The following HRH1 variants were observed in gnomAD, a reference collection of about 807,000 sequenced individuals.
HRH1 encodes the protein histamine receptor H1, also known as histamine H1 receptor.
Under a neutral mutation model 10.3 loss-of-function variants are expected in HRH1, and 6 were observed. That is an observed-to-expected ratio of 0.58 (90% confidence interval 0.32 to 1.15). The LOEUF is 1.15. Among genes scored for constraint, HRH1 ranks in the 50% most tolerant of loss-of-function variants. The pLI is 0.05. For missense variants in HRH1, 514 were observed against 615.3 expected (o/e 0.84, Z 1.74); for synonymous variants, 242 against 236.7 (o/e 1.02, Z -0.21).
rs558482916 is a variant in HRH1 at position 11,234,142 on chromosome 3, T to C, written c.-35-24861T>C. 6.0e-5 allele frequency: 40 copies of C among 669,870 alleles called. No individual in the cohort carries two copies. In the African/African-American group the frequency reaches 6.4e-4, roughly 11 times the overall value. 41.5% of individuals were successfully genotyped at this position (669,870 alleles called of 1,614,324 possible). On this transcript the variant is annotated intron_variant, in intron 1 of 1. Coordinates refer to ENST00000431010, the MANE Select transcript of HRH1 (RefSeq NM_001098212.2). ...CATCAAAATAAGTTATTTTGTATAT[T>C]ACAGTGCACAGGACAACAGAGGGAA... is the stretch of plus-strand genomic sequence containing the variant.
At chr3:11,254,750 C>G (rs1001800707) in intron 1 of HRH1, among the ~76,000 whole-genome samples, 2 of 152,136 alleles carry the variant, frequency 1.3e-5, no homozygotes. Context: ...CCTGGTGCCA[C>G]AAAGAAAAAC....
chr3:11,153,335 C>G (rs12107516), upstream of HRH1, among the ~76,000 whole-genome samples: 1,416 of 152,262 alleles, frequency 9.3e-3, 12 homozygotes, highest in African/African-American at 0.031. Context: ...CTTTATGAAC[C>G]CTTGTGTTAC....
intron 1 of HRH1, among the ~76,000 whole-genome samples, chr3:11,212,371 G>A (rs1001361515): frequency 6.6e-6 from 1 of 152,158 alleles, no homozygotes; most frequent in Non-Finnish European, 1.5e-5. Flanking sequence ...TCTCTCTGGT[G>A]AGTCATTGCA....
intron 1 of HRH1, among the ~76,000 whole-genome samples, chr3:11,174,821 G>C (rs542612679): frequency 6.6e-6 from 1 of 152,312 alleles, no homozygotes; most frequent in East Asian, 1.9e-4. Context: ...AGGCATGCCA[G>C]GGCCCCAGCA....
At chr3:11,228,293 A>T (rs1292879555) in intron 1 of HRH1, among the ~76,000 whole-genome samples, 1 of 151,642 alleles carries the variant, frequency 6.6e-6, no homozygotes, top group African/African-American at 2.4e-5. Flanking sequence ...CCAAGGCAGA[A>T]TTGCTTGAGG....
At chr3:11,240,147 G>C (rs1350023153) in intron 1 of HRH1, among the ~76,000 whole-genome samples, 7 of 152,000 alleles carry the variant, frequency 4.6e-5, no homozygotes, top group Non-Finnish European at 1.0e-4. Context: ...GAGGAGGCTT[G>C]ACTTGAGCTG....
intron 1 of HRH1, among the ~76,000 whole-genome samples, chr3:11,254,983 A>T (rs370439778): frequency 6.6e-6 from 1 of 152,214 alleles, no homozygotes; most frequent in Non-Finnish European, 1.5e-5. Flanking sequence ...AATAGGGTCT[A>T]TTAGGTGGGA....
chr3:11,156,741 A>G (rs1281763134), intron 1 of HRH1, among the ~76,000 whole-genome samples: 3 of 152,228 alleles, frequency 2.0e-5, no homozygotes, highest in Non-Finnish European at 4.4e-5. Flanking sequence ...CAGTGGTGCC[A>G]TGTAATAGCT....
chr3:11,210,323 G>A (rs977340451), intron 1 of HRH1, among the ~76,000 whole-genome samples: 1 of 152,200 alleles, frequency 6.6e-6, no homozygotes, highest in Non-Finnish European at 1.5e-5. Flanking sequence ...GAGCCCGGGA[G>A]GTCGAGGCTG....
chr3:11,160,112 G>A (rs1047656374), intron 1 of HRH1, among the ~76,000 whole-genome samples: 8 of 152,258 alleles, frequency 5.3e-5, no homozygotes, highest in Non-Finnish European at 7.4e-5. Flanking sequence ...ACTTCCTGGT[G>A]GCCACAGATT....
At chr3:11,231,081 A>G (rs1229582911) in intron 1 of HRH1, among the ~76,000 whole-genome samples, 6 of 152,200 alleles carry the variant, frequency 3.9e-5, no homozygotes, top group Non-Finnish European at 8.8e-5. Context: ...CAGGAATGTT[A>G]CATAAATGTC....
Position 11,259,262 on chromosome 3 carries a change from C to A in HRH1, c.225C>A (p.Ile75=), listed in dbSNP as rs377397952. ...YIVSLSVADL[I]VGAVVMPMNI... ...TCAGCCTCTCGGTGGCGGACTTGAT[C>A]GTGGGTGCCGTCGTCATGCCTATGA... Residue 75 remains isoleucine, a synonymous_variant, in exon 2 of 2, where the codon ATC becomes ATA. Transcript: ENST00000431010. This position sits in a 1 kb window ranked among gnomAD's most constrained non-coding sequence, Gnocchi z 4.6. 31 of 1,607,310 alleles carry A rather than the reference C, an allele frequency of 1.9e-5. No homozygotes were observed. Among genetic ancestry groups the A allele is most frequent in the Non-Finnish European group, 2.2e-5 (26 of 1,177,310 alleles).
chr3:11,175,659 A>G (rs973725088), intron 1 of HRH1, among the ~76,000 whole-genome samples: 2 of 152,242 alleles, frequency 1.3e-5, no homozygotes, highest in African/African-American at 4.8e-5. Flanking sequence ...CTACGTAAGT[A>G]TTTGGGCTGC....
chr3:11,189,768 AT>A (rs66958448), intron 1 of HRH1, among the ~76,000 whole-genome samples: 31,928 of 150,448 alleles, frequency 0.21, 3,642 homozygotes, highest in Middle Eastern at 0.34. Flanking sequence ...TACTAAAAAA[AT>A]AAATAAATAA....
chr3:11,199,553 T>C (rs2125026466), intron 1 of HRH1, among the ~76,000 whole-genome samples: 1 of 152,250 alleles, frequency 6.6e-6, no homozygotes, highest in South Asian at 2.1e-4. Flanking sequence ...GCTCTCACAG[T>C]CCCCACTTCC....
At chr3:11,234,739 C>G (rs900108024) in intron 1 of HRH1, among the ~76,000 whole-genome samples, 1 of 152,190 alleles carries the variant, frequency 6.6e-6, no homozygotes, top group East Asian at 1.9e-4. Context: ...TGTAGCTTCA[C>G]GCCATGACCT....
intron 1 of HRH1, among the ~76,000 whole-genome samples, chr3:11,233,766 G>C (rs1939103181): frequency 6.6e-6 from 1 of 152,172 alleles, no homozygotes; most frequent in Admixed American, 6.6e-5. Flanking sequence ...GGTCAGGATG[G>C]GTTTGCAGAA....
At chr3:11,192,583 C>T (rs977559294) in intron 1 of HRH1, among the ~76,000 whole-genome samples, 2 of 152,112 alleles carry the variant, frequency 1.3e-5, no homozygotes, top group African/African-American at 4.8e-5. Context: ...AGGTCACAGG[C>T]ACTTGTTTTT....
At chr3:11,222,146 C>T (rs1938729726) in intron 1 of HRH1, among the ~76,000 whole-genome samples, 1 of 152,044 alleles carries the variant, frequency 6.6e-6, no homozygotes, top group South Asian at 2.1e-4. Flanking sequence ...AGCATCTCGG[C>T]TAGATACCAG....
Sources: gnomAD v4.1 joint callset for allele counts (sites outside exome capture counted in the v4.1 genomes callset) on GRCh38, gnomAD v4.1.1 for gene constraint, Gnocchi (gnomAD v3.1) non-coding constraint, MANE v1.5 for transcripts, NCBI Gene and HGNC (gene_info 2026-07-23, HGNC 2026-07-21) for gene names.